CHST4: variants seen among roughly 807,000 people sequenced by gnomAD.
CHST4 encodes the protein GST-3.
For missense variants in CHST4, 466 were observed against 506.0 expected, an observed-to-expected ratio of 0.92 and a Z score of 0.76; for synonymous variants, 171 against 195.5, an observed-to-expected ratio of 0.87 and a Z score of 1.05.
chr16:71,527,083 G>A (rs1457594393), intron 1 of CHST4, among the ~76,000 whole-genome samples: 2 of 152,204 alleles, frequency 1.3e-5, no homozygotes, highest in African/African-American at 4.8e-5. Flanking sequence ...TAACCGATCA[G>A]TATCATAATT....
chr16:71,533,039 T>C (rs909935052), intron 1 of CHST4, among the ~76,000 whole-genome samples: 1 of 152,158 alleles, frequency 6.6e-6, no homozygotes, highest in African/African-American at 2.4e-5. Flanking sequence ...TTTTTGATTT[T>C]TTTTTGCATT....
intron 1 of CHST4, among the ~76,000 whole-genome samples, chr16:71,534,694 A>C (rs1225841937): frequency 1.3e-5 from 2 of 152,114 alleles, no homozygotes; most frequent in Non-Finnish European, 2.9e-5. Context: ...CTGCAAAAAT[A>C]AATAAATAAA....
intron 1 of CHST4, among the ~76,000 whole-genome samples, chr16:71,530,290 G>A (rs1159223236): frequency 2.0e-5 from 3 of 152,156 alleles, no homozygotes; most frequent in South Asian, 4.1e-4. Flanking sequence ...AAATAACAGG[G>A]CAAGTTTGGA....
At chr16:71,530,415 T>A (rs1444878112) in intron 1 of CHST4, among the ~76,000 whole-genome samples, 1 of 152,222 alleles carries the variant, frequency 6.6e-6, no homozygotes, top group Non-Finnish European at 1.5e-5. Context: ...TAATCCCATA[T>A]ACACTGGAAA....
At position 71,537,503 on chromosome 16, in the gene CHST4, T is replaced by G. The variant is rs2044001093; in HGVS notation, c.826T>G (p.Tyr276Asp). 6.2e-7 allele frequency: 1 copy of G among 1,614,070 alleles called. No individual in the cohort carries two copies. The highest frequency in any genetic ancestry group is 8.5e-7 in the Non-Finnish European group (1 of 1,180,034). Reference sequence around the variant, plus strand: ...GCAGGAACGCTACCTGCTTGTGCGCTATGAGGACCTGGCTCGAGCCCCTGT... The same window carrying G: ...GCAGGAACGCTACCTGCTTGTGCGCGATGAGGACCTGGCTCGAGCCCCTGT... ...ALQERYLLVR[Y>D]EDLARAPVAQ... Residue 276 changes from tyrosine (Y) to aspartate (D), a missense_variant, in exon 2 of 2, where the codon TAT becomes GAT. By Grantham distance (160) the Tyr-to-Asp change is radical. Coordinates refer to ENST00000539698, the MANE Select transcript of CHST4 (RefSeq NM_001166395.2). The surrounding 1 kb of genome is among the most constrained non-coding windows in gnomAD (Gnocchi z 4.2).
rs368085360 is a variant in CHST4, at chr16:71,537,491, C to A, written c.814C>A (p.Leu272Met). The A allele has an allele frequency of 3.7e-6, 6 of 1,614,114 alleles. No individual in the cohort carries two copies. In the African/African-American group the frequency reaches 8.0e-5, roughly 22 times the overall value. Residue 272 changes from leucine to methionine, a missense_variant, in exon 2 of 2, where the codon CTG becomes ATG. Leu to Met is a conservative substitution (Grantham distance 15). Transcript: ENST00000539698. This position sits in a 1 kb window ranked among gnomAD's most constrained non-coding sequence, Gnocchi z 4.2. ...GCCCAAGGCCCTGCAGGAACGCTAC[C>A]TGCTTGTGCGCTATGAGGACCTGGC... ...SLPKALQERY[L>M]LVRYEDLARA...
rs764586299 is a variant in CHST4, at chr16:71,537,484, A to G, written c.807A>G (p.Glu269=). Reference sequence around the variant, plus strand: ...AGTCCTTGCCCAAGGCCCTGCAGGAACGCTACCTGCTTGTGCGCTATGAGG... The same window carrying G: ...AGTCCTTGCCCAAGGCCCTGCAGGAGCGCTACCTGCTTGTGCGCTATGAGG... ...TIQSLPKALQ[E]RYLLVRYEDL... The change falls in exon 2 of 2, where the codon GAA becomes GAG. Residue 269 remains glutamate, a synonymous_variant. Transcript: ENST00000539698. This position sits in a 1 kb window ranked among gnomAD's most constrained non-coding sequence, Gnocchi z 4.2. The G allele has an allele frequency of 2.5e-6, 4 of 1,614,036 alleles. No individual in the cohort carries two copies. Among genetic ancestry groups the G allele is most frequent in the African/African-American group, 1.3e-5 (1 of 74,926 alleles).
At chr16:71,529,469 G>C (rs552304499) in intron 1 of CHST4, among the ~76,000 whole-genome samples, 41 of 138,980 alleles carry the variant, frequency 3.0e-4, no homozygotes, top group African/African-American at 1.1e-3. Context: ...GGATACTTAT[G>C]TTTCATTCTC....
Position 71,537,196 on chromosome 16 carries a change from C to T in CHST4, c.519C>T (p.His173=), listed in dbSNP as rs143081083. 1.9e-5 allele frequency: 31 copies of T among 1,614,038 alleles called. No homozygotes were observed. The highest frequency in any genetic ancestry group is 1.5e-4 in the South Asian group (14 of 91,082). Residue 173 remains histidine (H), a synonymous_variant, in exon 2 of 2, where the codon CAC becomes CAT. Transcript: ENST00000539698. This position sits in a 1 kb window ranked among gnomAD's most constrained non-coding sequence, Gnocchi z 4.2. ...AGAAGGCCTGCCGCTCCTACAGCCA[C>T]GTGGTGCTCAAGGAGGTGCGCTTCT... ...VVEKACRSYS[H]VVLKEVRFFN...
At position 71,537,940 on chromosome 16, in the gene CHST4, G is replaced by A. The variant is rs1307825866; in HGVS notation, c.*102G>A. The A allele has an allele frequency of 1.9e-6, 2 of 1,074,846 alleles. No homozygotes were observed. Among genetic ancestry groups the A allele is most frequent in the East Asian group, 2.4e-5 (1 of 40,896 alleles). The allele number at this position is 1,074,846 out of a possible 1,614,324, so 66.6% of individuals were successfully genotyped here. On this transcript the variant is annotated 3_prime_UTR_variant, in exon 2 of 2. Transcript: ENST00000539698. This position sits in a 1 kb window ranked among gnomAD's most constrained non-coding sequence, Gnocchi z 4.2. ...ATCTCTGAGCCTTAACTACATGTCT[G>A]TGGGTATCACACTGAGTGTGAGTTG...
chr16:71,531,359 C>A (rs888463115), intron 1 of CHST4, among the ~76,000 whole-genome samples: 3 of 152,180 alleles, frequency 2.0e-5, no homozygotes, highest in Non-Finnish European at 4.4e-5. Flanking sequence ...CCTAAAGTAT[C>A]CCCTGGCTCT....
At position 71,537,486 on chromosome 16, in the gene CHST4, G is replaced by A. The variant is rs752428702; in HGVS notation, c.809G>A (p.Arg270His). 17 of 1,614,056 alleles carry A rather than the reference G, an allele frequency of 1.1e-5. No individual in the cohort carries two copies. The highest frequency in any genetic ancestry group is 2.7e-5 in the African/African-American group (2 of 74,916). Residue 270 changes from arginine (R) to histidine (H), a missense_variant, in exon 2 of 2, where the codon CGC (arginine) becomes CAC (histidine). Physicochemically the swap from Arg to His is conservative, Grantham distance 29. Transcript: ENST00000539698. The surrounding 1 kb of genome is among the most constrained non-coding windows in gnomAD (Gnocchi z 4.2). ...IQSLPKALQE[R>H]YLLVRYEDLA... ...TCCTTGCCCAAGGCCCTGCAGGAAC[G>A]CTACCTGCTTGTGCGCTATGAGGAC...
intron 1 of CHST4, among the ~76,000 whole-genome samples, chr16:71,534,993 A>G (rs1400126754): frequency 6.6e-6 from 1 of 152,210 alleles, no homozygotes; most frequent in Non-Finnish European, 1.5e-5. Context: ...TTGGAATAAC[A>G]TTCTAGCATA....
In CHST4 at chr16:71,537,692, C is replaced by T; in HGVS notation, c.1015C>T (p.Pro339Ser). The T allele has an allele frequency of 6.2e-7, 1 of 1,614,180 alleles. No individual in the cohort carries two copies. Among genetic ancestry groups the T allele is most frequent in the Non-Finnish European group, 8.5e-7 (1 of 1,180,026 alleles). ...NVSQAWRWSL[P>S]YEKVSRLQKA... ...CTCCCAGGCTTGGCGCTGGTCTTTG[C>T]CCTATGAAAAGGTTTCTCGACTTCA... Residue 339 changes from proline to serine, a missense_variant, in exon 2 of 2, where the codon CCC becomes TCC. Transcript: ENST00000539698. The surrounding 1 kb of genome is among the most constrained non-coding windows in gnomAD (Gnocchi z 4.2).
At chr16:71,527,371 A>AGTTT (rs1358641382) in intron 1 of CHST4, among the ~76,000 whole-genome samples, 2 of 152,232 alleles carry the variant, frequency 1.3e-5, no homozygotes, top group Non-Finnish European at 2.9e-5. Context: ...GGAGGTCCTG[A>AGTTT]GAACATGTGT....
chr16:71,532,576 A>G (rs1328472204), intron 1 of CHST4, among the ~76,000 whole-genome samples: 2 of 152,154 alleles, frequency 1.3e-5, no homozygotes, highest in Non-Finnish European at 2.9e-5. Flanking sequence ...ACTTCCCAGA[A>G]GGTTCAGGGG....
chr16:71,535,317 C>T (rs1320330316), intron 1 of CHST4, among the ~76,000 whole-genome samples: 5 of 152,204 alleles, frequency 3.3e-5, no homozygotes, highest in African/African-American at 2.4e-5. Context: ...GGACTATAGG[C>T]GTGTGCCAAC....
At position 71,537,305 on chromosome 16, in the gene CHST4, G is replaced by A. The variant is rs929551127; in HGVS notation, c.628G>A (p.Val210Met). 57 of 1,614,088 alleles carry A rather than the reference G, an allele frequency of 3.5e-5. No homozygotes were observed. The highest frequency in any genetic ancestry group is 1.6e-4 in the Middle Eastern group (1 of 6,084). The change falls in exon 2 of 2, where the codon GTG (valine) becomes ATG (methionine). Residue 210 changes from valine to methionine, a missense_variant. Val to Met is a conservative substitution (Grantham distance 21). Transcript: ENST00000539698. The surrounding 1 kb of genome is among the most constrained non-coding windows in gnomAD (Gnocchi z 4.2). Reference sequence around the variant, plus strand: ...GCACCTGGTCCGGGACCCCCGGGCCGTGTTCCGTTCCCGAGAACGCACAAA... The same window carrying A: ...GCACCTGGTCCGGGACCCCCGGGCCATGTTCCGTTCCCGAGAACGCACAAA... ...IVHLVRDPRA[V>M]FRSRERTKGD...
rs1339026885 is a variant in CHST4, at chr16:71,538,081, T to G, written c.*243T>G. 1.9e-6 allele frequency: 1 copy of G among 538,816 alleles called. No individual in the cohort carries two copies. The highest frequency in any genetic ancestry group is 3.6e-5 in the Admixed American group (1 of 27,702). The allele number at this position is 538,816 out of a possible 1,614,324, so 33.4% of individuals were successfully genotyped here. On this transcript the variant is annotated 3_prime_UTR_variant, in exon 2 of 2. Coordinates refer to ENST00000539698, the MANE Select transcript of CHST4 (RefSeq NM_001166395.2). ...CCAGTGAAACAGGGTATTGCTCTTC[T>G]TCTTTTCTTGATCTTCCTGTCTGGG...
Sources: allele counts gnomAD v4.1 joint callset (sites outside exome capture counted in the v4.1 genomes callset), GRCh38; gene constraint gnomAD v4.1.1; non-coding constraint Gnocchi (gnomAD v3.1); transcripts MANE v1.5; gene names NCBI Gene and HGNC (gene_info 2026-07-23, HGNC 2026-07-21).